OPCML: variants seen among roughly 807,000 people sequenced by gnomAD.
The protein encoded by OPCML is opioid binding protein/cell adhesion molecule like.
Under a neutral mutation model 37.8 loss-of-function variants are expected in OPCML, and 13 were observed. The ratio of observed to expected loss-of-function variants is 0.34; its 90% CI spans 0.22 to 0.55. The LOEUF (loss-of-function observed/expected upper bound fraction) is 0.55. Among genes scored for constraint, OPCML ranks in the 20% least tolerant of loss-of-function variants. OPCML has a pLI of 0.91. For synonymous variants in OPCML, 176 were observed against 168.8 expected, an observed-to-expected ratio of 1.04 and a Z score of -0.33; for missense variants, 341 against 435.6, an observed-to-expected ratio of 0.78 and a Z score of 1.93.
chr11:132,766,696 A>T lies in OPCML; in HGVS notation c.147-109377T>A, dbSNP rs1946456442. 2.0e-5 allele frequency among the ~76,000 whole-genome samples: 3 copies of T among 152,180 alleles called. No homozygotes were observed. In the South Asian group the frequency reaches 6.2e-4, roughly 32 times the overall value. ...AGTATGTATTTTGGGGTATACAAACATTTCAGACCATGGCAGGGACAATGC... is the reference window on the plus strand; with the variant it reads ...AGTATGTATTTTGGGGTATACAAACTTTTCAGACCATGGCAGGGACAATGC... On this transcript the variant is annotated intron_variant, in intron 2 of 7. Transcript: ENST00000524381.
intron 1 of OPCML, among the ~76,000 whole-genome samples, chr11:133,448,851 T>C (rs756691821): frequency 1.3e-5 from 2 of 152,258 alleles, no homozygotes; most frequent in Admixed American, 1.3e-4. Flanking sequence ...ATATTTTGTA[T>C]ACACAATTCA....
rs961430881 is a variant in OPCML, at chr11:133,452,037, C to T, written c.61+80227G>A. On this transcript the variant is annotated intron_variant, in intron 1 of 7. Transcript: ENST00000524381. ...TAAAACCAAAGAACAAAAATCAATA[C>T]ATTCAGAAGAGCATAACAGAATCCA... 4.6e-5 allele frequency among the ~76,000 whole-genome samples: 7 copies of T among 151,136 alleles called. 3 individuals are homozygous for T. Among genetic ancestry groups the T allele is most frequent in the African/African-American group, 1.7e-4 (7 of 40,652 alleles).
At chr11:133,446,302 G>A (rs1436854634) in intron 1 of OPCML, among the ~76,000 whole-genome samples, 2 of 152,156 alleles carry the variant, frequency 1.3e-5, no homozygotes, top group Non-Finnish European at 2.9e-5. Flanking sequence ...CGTGTTTTCT[G>A]TTGGACAAAA....
chr11:132,892,323 G>A (rs1266429565), intron 2 of OPCML, among the ~76,000 whole-genome samples: 1 of 152,222 alleles, frequency 6.6e-6, no homozygotes, highest in Non-Finnish European at 1.5e-5. Context: ...GTTTAGAAGA[G>A]AGTGTGGGGT....
At chr11:133,194,316 T>G (rs1938449420) in intron 1 of OPCML, among the ~76,000 whole-genome samples, 1 of 148,860 alleles carries the variant, frequency 6.7e-6, no homozygotes, top group East Asian at 2.1e-4. Context: ...GCTCAAGCAA[T>G]TCTCCTGCCT....
intron 2 of OPCML, among the ~76,000 whole-genome samples, chr11:132,838,637 C>CTA (rs1314191483): frequency 6.6e-6 from 1 of 152,182 alleles, no homozygotes; most frequent in Non-Finnish European, 1.5e-5. Context: ...TCACAAGCTG[C>CTA]TATAATAAAT....
At chr11:133,103,121 C>G (rs1592003639) in intron 1 of OPCML, among the ~76,000 whole-genome samples, 1 of 152,124 alleles carries the variant, frequency 6.6e-6, no homozygotes, top group East Asian at 1.9e-4. Flanking sequence ...TACTTTTTTT[C>G]TAATAGTGAT....
At chr11:132,895,809 C>T (rs74408165) in intron 2 of OPCML, among the ~76,000 whole-genome samples, 4 of 152,140 alleles carry the variant, frequency 2.6e-5, no homozygotes, top group Non-Finnish European at 4.4e-5. Context: ...ATCCACCCCC[C>T]CTGCCCCTCT....
intron 1 of OPCML, among the ~76,000 whole-genome samples, chr11:133,296,278 T>C (rs576071457): frequency 1.3e-5 from 2 of 152,306 alleles, no homozygotes; most frequent in South Asian, 2.1e-4. Flanking sequence ...TACACTGTCG[T>C]CCTGTCTGTA....
At chr11:132,427,322 G>A (rs2095980880) in intron 7 of OPCML, among the ~76,000 whole-genome samples, 1 of 152,170 alleles carries the variant, frequency 6.6e-6, no homozygotes, top group Admixed American at 6.5e-5. Flanking sequence ...GGATAATGAT[G>A]TTCTTGGTGA....
intron 1 of OPCML, among the ~76,000 whole-genome samples, chr11:133,414,674 A>G (rs1460690839): frequency 6.6e-6 from 1 of 151,658 alleles, no homozygotes; most frequent in Admixed American, 6.6e-5. Flanking sequence ...GGCTTTGACA[A>G]CTCCCCATGA....
chr11:132,923,018 G>A (rs1944860533), intron 2 of OPCML, among the ~76,000 whole-genome samples: 1 of 151,804 alleles, frequency 6.6e-6, no homozygotes, highest in South Asian at 2.1e-4. Flanking sequence ...AGGCTGTATT[G>A]GGCCACGATT....
chr11:133,054,971 G>A (rs1224343114), intron 1 of OPCML, among the ~76,000 whole-genome samples: 1 of 145,842 alleles, frequency 6.9e-6, no homozygotes, highest in Non-Finnish European at 1.5e-5. Flanking sequence ...CCACGAGGGA[G>A]CACCTCTATC....
intron 1 of OPCML, among the ~76,000 whole-genome samples, chr11:133,327,764 T>G (rs1053234078): frequency 2.0e-5 from 3 of 152,150 alleles, no homozygotes; most frequent in African/African-American, 7.2e-5. Flanking sequence ...CAATGTTCCC[T>G]GGTATGTTGG....
intron 1 of OPCML, among the ~76,000 whole-genome samples, chr11:133,236,903 G>A (rs1425506406): frequency 5.3e-5 from 8 of 152,194 alleles, no homozygotes; most frequent in South Asian, 2.1e-4. Flanking sequence ...GGGAGGATGC[G>A]TCAGGTTATA....
chr11:132,868,636 G>C (rs895561295), intron 2 of OPCML, among the ~76,000 whole-genome samples: 4 of 152,062 alleles, frequency 2.6e-5, no homozygotes, highest in African/African-American at 9.7e-5. Flanking sequence ...AATTTCTTTA[G>C]GGAAGACACT....
At chr11:132,732,837 G>A (rs995076674) in intron 2 of OPCML, among the ~76,000 whole-genome samples, 1 of 152,112 alleles carries the variant, frequency 6.6e-6, no homozygotes, top group Non-Finnish European at 1.5e-5. Flanking sequence ...AGAGATTAAT[G>A]GTGACCACTA....
At chr11:132,633,470 T>C (rs1372615582) in intron 3 of OPCML, among the ~76,000 whole-genome samples, 4 of 152,088 alleles carry the variant, frequency 2.6e-5, no homozygotes, top group African/African-American at 9.7e-5. Context: ...GAATGTGGTT[T>C]ATATCTTTAC....
At chr11:132,868,477 T>G (rs1468723402) in intron 2 of OPCML, among the ~76,000 whole-genome samples, 4 of 152,012 alleles carry the variant, frequency 2.6e-5, no homozygotes, top group African/African-American at 9.7e-5. Flanking sequence ...CATTCCTTTA[T>G]GTCAATGGGC....
Sources: gnomAD v4.1 joint callset for allele counts (sites outside exome capture counted in the v4.1 genomes callset) on GRCh38, gnomAD v4.1.1 for gene constraint, MANE v1.5 for transcripts, NCBI Gene and HGNC (gene_info 2026-07-23, HGNC 2026-07-21) for gene names.